The following SPIDR variants were observed in gnomAD, a reference collection of about 807,000 sequenced individuals.
The protein encoded by SPIDR is DNA repair-scaffolding protein.
Under a neutral mutation model 104.6 loss-of-function variants are expected in SPIDR, and 93 were observed. The observed-to-expected ratio is 0.89, with a 90% CI of 0.75 to 1.06. The LOEUF is 1.06. Among genes scored for constraint, SPIDR ranks in the 50% least tolerant of loss-of-function variants. The pLI, the probability that SPIDR is intolerant of heterozygous loss-of-function variation, is 0.00. For missense variants in SPIDR, 1,154 were observed against 1,111.2 expected, an observed-to-expected ratio of 1.04 and a Z score of -0.55; for synonymous variants, 431 against 416.9, an observed-to-expected ratio of 1.03 and a Z score of -0.41.
At chr8:47,475,740 T>C (rs1477201536) in intron 8 of SPIDR, among the ~76,000 whole-genome samples, 2 of 152,160 alleles carry the variant, frequency 1.3e-5, no homozygotes, top group Admixed American at 1.3e-4. Context: ...AGAAGACACA[T>C]ATAAAATGAT....
intron 8 of SPIDR, among the ~76,000 whole-genome samples, chr8:47,553,542 C>A (rs938442291): frequency 6.6e-6 from 1 of 152,196 alleles, no homozygotes; most frequent in African/African-American, 2.4e-5. Context: ...GAATCAGCTT[C>A]TGAAGCTTGT....
rs35880765 is a variant in SPIDR, at chr8:47,685,477, TTTTA to T, written c.1685+11576_1685+11579del. ...TTATCTACCAGTAGGAGGTCAGTGG[TTTTA>T]TTTATTTATTTATTTATTTATTTAT... is the stretch of plus-strand genomic sequence containing the variant. On this transcript the variant is annotated intron_variant, in intron 11 of 19. Coordinates refer to ENST00000297423, the MANE Select transcript of SPIDR (RefSeq NM_001080394.4). 2.7e-3 allele frequency among the ~76,000 whole-genome samples: 351 copies of T among 131,534 alleles called. 2 individuals carry two copies. Among genetic ancestry groups the T allele is most frequent in the African/African-American group, 6.2e-3 (240 of 38,470 alleles). The allele number at this position is 131,534 out of a possible 152,430, so 86.3% of individuals were successfully genotyped here. A position where few individuals can be genotyped will look rare whatever the true frequency, so the allele number is the denominator to read the frequency against.
At chr8:47,589,718 C>T (rs1430591808) in intron 8 of SPIDR, among the ~76,000 whole-genome samples, 2 of 152,058 alleles carry the variant, frequency 1.3e-5, no homozygotes, top group African/African-American at 4.8e-5. Context: ...ATGTACAGGG[C>T]CTGTAGTGAC....
rs1025857803 is a variant in SPIDR at position 47,516,048 on chromosome 8, A to G, written c.1097+75506A>G. On this transcript the variant is annotated intron_variant, in intron 8 of 19. Transcript: ENST00000297423. ...ATGGTCTCGATCTCCTGACCTCGTG[A>G]TCCGCCCGCCTCGGCCTCCCGAAGT... Among the ~76,000 whole-genome samples, 6 of 152,328 alleles carry G rather than the reference A, an allele frequency of 3.9e-5. No individual in the cohort carries two copies. The East Asian group carries it at 7.7e-4, about 20-fold the overall frequency.
chr8:47,712,681 T>C lies in SPIDR; in HGVS notation c.1997T>C (p.Leu666Pro), dbSNP rs756548604. Residue 666 changes from leucine (L) to proline (P), a missense_variant, in exon 15 of 20, where the codon CTG becomes CCG. Leu to Pro is a moderately conservative substitution (Grantham distance 98, BLOSUM62 -3). Coordinates refer to ENST00000297423, the MANE Select transcript of SPIDR (RefSeq NM_001080394.4). ...QKPQLKSLLL[L>P]EQREIWLLVT... ...TTGTAGCTGAAGAGTCTGCTGCTTC[T>C]GGAGCAAAGGGAGATCTGGCTGCTA... 6.8e-6 allele frequency: 11 copies of C among 1,614,062 alleles called. No homozygotes were observed. In the Admixed American group the frequency reaches 1.3e-4, roughly 20 times the overall value.
At position 47,712,969 on chromosome 8, in the gene SPIDR, G is replaced by A. The variant is rs889431345; in HGVS notation, c.2188+97G>A. On this transcript the variant is annotated intron_variant, in intron 15 of 19. Coordinates refer to ENST00000297423, the MANE Select transcript of SPIDR (RefSeq NM_001080394.4). Reference sequence around the variant, plus strand: ...CTGGATGCCTCCTTGTTGCTTGGACGCTGCCGGCACCTTCACGGAGCCCAT... The same window carrying A: ...CTGGATGCCTCCTTGTTGCTTGGACACTGCCGGCACCTTCACGGAGCCCAT... 159 of 1,550,672 alleles carry A rather than the reference G, an allele frequency of 1.0e-4. No homozygotes were observed. The African/African-American group carries it at 1.1e-3, about 11-fold the overall frequency.
chr8:47,589,406 C>T (rs2060718710), intron 8 of SPIDR, among the ~76,000 whole-genome samples: 1 of 151,848 alleles, frequency 6.6e-6, no homozygotes, highest in Non-Finnish European at 1.5e-5. Context: ...CCTGTAGTCC[C>T]AGCTACTCGG....
chr8:47,582,116 C>A (rs1588037664), intron 8 of SPIDR, among the ~76,000 whole-genome samples: 1 of 151,722 alleles, frequency 6.6e-6, no homozygotes, highest in East Asian at 2.0e-4. Context: ...ACTCTGGAGT[C>A]TGAAGCAGGA....
intron 8 of SPIDR, among the ~76,000 whole-genome samples, chr8:47,513,638 G>T (rs931880956): frequency 6.6e-6 from 1 of 152,190 alleles, no homozygotes; most frequent in Admixed American, 6.5e-5. Flanking sequence ...GAGAAGTGCT[G>T]ACTCATAGTA....
chr8:47,308,839 T>A (rs902171060), intron 5 of SPIDR, among the ~76,000 whole-genome samples: 1 of 152,268 alleles, frequency 6.6e-6, no homozygotes, highest in African/African-American at 2.4e-5. Flanking sequence ...TTGGAATGCA[T>A]GCACAACTGC....
At chr8:47,278,096 CTT>C (rs71225674) in intron 1 of SPIDR, among the ~76,000 whole-genome samples, 9 of 137,234 alleles carry the variant, frequency 6.6e-5, no homozygotes, top group East Asian at 2.1e-4. Flanking sequence ...TTTTCTTTCT[CTT>C]TTTTTTTTTT....
At chr8:47,702,832 A>G (rs1275673893) in intron 14 of SPIDR, among the ~76,000 whole-genome samples, 1 of 152,142 alleles carries the variant, frequency 6.6e-6, no homozygotes, top group African/African-American at 2.4e-5. Flanking sequence ...GGAGCAAACC[A>G]GGCCCCAGAT....
chr8:47,503,554 C>G (rs1002074773), intron 8 of SPIDR, among the ~76,000 whole-genome samples: 19 of 151,988 alleles, frequency 1.3e-4, no homozygotes, highest in East Asian at 1.9e-4. Flanking sequence ...TGGGTTTCCT[C>G]AATACAGCAC....
chr8:47,494,847 G>T (rs1017459854), intron 8 of SPIDR, among the ~76,000 whole-genome samples: 27 of 152,166 alleles, frequency 1.8e-4, no homozygotes, highest in African/African-American at 6.5e-4. Context: ...AGTGAAGTGA[G>T]ATACTTCTTA....
chr8:47,430,560 G>A (rs12682269), intron 7 of SPIDR, among the ~76,000 whole-genome samples: 74,835 of 151,972 alleles, frequency 0.49, 22,442 homozygotes, highest in East Asian at 0.67. Flanking sequence ...GAGATTCAGT[G>A]TGTTGGCCTC....
rs1414418037 is a variant in SPIDR at position 47,399,157 on chromosome 8, G to T, written c.776+2531G>T. Among the ~76,000 whole-genome samples the T allele has an allele frequency of 2.6e-5, 4 of 152,234 alleles. No individual in the cohort carries two copies. The East Asian group carries it at 7.7e-4, about 29-fold the overall frequency. ...AGGTGATAGAAATTTCATCATGTTT[G>T]TATGTTGATAGGGAAGTCCAGGAGA... On this transcript the variant is annotated intron_variant, in intron 6 of 19. Coordinates refer to ENST00000297423, the MANE Select transcript of SPIDR (RefSeq NM_001080394.4).
chr8:47,492,322 G>T (rs535637049), intron 8 of SPIDR, among the ~76,000 whole-genome samples: 1 of 152,078 alleles, frequency 6.6e-6, no homozygotes, highest in Admixed American at 6.6e-5. Flanking sequence ...CCAGTATCTG[G>T]CAAGCAGGCA....
chr8:47,305,490 A>G (rs1433333301), intron 5 of SPIDR, among the ~76,000 whole-genome samples: 1 of 152,246 alleles, frequency 6.6e-6, no homozygotes, highest in African/African-American at 2.4e-5. Context: ...GGTAGAAAAA[A>G]TGATTCAGTA....
At chr8:47,557,087 C>T (rs1564326575) in intron 8 of SPIDR, among the ~76,000 whole-genome samples, 2 of 152,068 alleles carry the variant, frequency 1.3e-5, no homozygotes, top group African/African-American at 2.4e-5. Flanking sequence ...CAGGCCAGCC[C>T]CCAAAAGTCT....
Sources: allele counts gnomAD v4.1 joint callset (sites outside exome capture counted in the v4.1 genomes callset), GRCh38; gene constraint gnomAD v4.1.1; transcripts MANE v1.5; gene names NCBI Gene and HGNC (gene_info 2026-07-23, HGNC 2026-07-21).